SAMD4A: variants seen among roughly 807,000 people sequenced by gnomAD.
SAMD4A encodes sterile alpha motif domain containing 4A.
A neutral mutation model predicts 81.3 loss-of-function variants in SAMD4A; 33 were observed. The ratio of observed to expected loss-of-function variants is 0.41; its 90% CI spans 0.31 to 0.54. The LOEUF (loss-of-function observed/expected upper bound fraction) is 0.54, where lower values mean the gene tolerates loss of function less well. SAMD4A is among the 20% of genes least tolerant of loss of function. The pLI, the probability that SAMD4A is intolerant of heterozygous loss-of-function variation, is 0.37. For missense variants in SAMD4A, 854 were observed against 951.1 expected (o/e 0.90, Z 1.34); for synonymous variants, 389 against 382.1 (o/e 1.02, Z -0.21).
At chr14:54,571,905 T>C (rs1390663610) in intron 2 of SAMD4A, among the ~76,000 whole-genome samples, 1 of 152,208 alleles carries the variant, frequency 6.6e-6, no homozygotes, top group East Asian at 1.9e-4. Context: ...TCCATGATTT[T>C]TATGGTTTTG....
Position 54,739,059 on chromosome 14 carries a change from T to C in SAMD4A, c.979+1772T>C, listed in dbSNP as rs1176120310. Among the ~76,000 whole-genome samples, 27 of 143,668 alleles carry C rather than the reference T, an allele frequency of 1.9e-4. 1 individual carries two copies. Among genetic ancestry groups the C allele is most frequent in the Non-Finnish European group, 2.9e-4 (19 of 65,772 alleles). The allele number at this position is 143,668 out of a possible 152,430, so 94.3% of individuals were successfully genotyped here. ...TTGTTTTCTTTCTTTCCTTTTCTTT[T>C]TTTTTTTTTTTTTTTGAGGCCCTTA... On this transcript the variant is annotated intron_variant, in intron 4 of 12. Transcript: ENST00000554335.
chr14:54,771,608 GCAAGGTCTGCTTC>G (rs2038707066), intron 9 of SAMD4A, among the ~76,000 whole-genome samples: 1 of 152,206 alleles, frequency 6.6e-6, no homozygotes, highest in Non-Finnish European at 1.5e-5. Flanking sequence ...CAGATGAAAG[GCAAGGTCTGCTTC>G]CTTGGCCTCC....
chr14:54,614,241 G>A (rs1379186181), intron 2 of SAMD4A, among the ~76,000 whole-genome samples: 1 of 152,118 alleles, frequency 6.6e-6, no homozygotes, highest in African/African-American at 2.4e-5. Context: ...CATAAAACAT[G>A]TAATTTATGT....
intron 10 of SAMD4A, among the ~76,000 whole-genome samples, 176 bp downstream of exon 10, chr14:54,775,311 C>A: frequency 6.6e-6 from 1 of 152,200 alleles, no homozygotes; most frequent in Non-Finnish European, 1.5e-5. Flanking sequence ...GCAGACAGAG[C>A]AACCCCATAG....
chr14:54,729,205 A>G (rs529183760), intron 3 of SAMD4A, among the ~76,000 whole-genome samples: 2 of 152,060 alleles, frequency 1.3e-5, no homozygotes, highest in East Asian at 1.9e-4. Context: ...CCAAACTTGG[A>G]TGGTCTTGCT....
At chr14:54,679,246 A>G (rs1352845607) in intron 2 of SAMD4A, among the ~76,000 whole-genome samples, 1 of 152,234 alleles carries the variant, frequency 6.6e-6, no homozygotes, top group East Asian at 1.9e-4. Flanking sequence ...GCTGCTAGAA[A>G]GCAGACATTT....
intron 12 of SAMD4A, among the ~76,000 whole-genome samples, chr14:54,785,936 T>TGCGA (rs1352846681): frequency 6.6e-6 from 1 of 152,222 alleles, no homozygotes; most frequent in Non-Finnish European, 1.5e-5. Flanking sequence ...GAGCCTCATT[T>TGCGA]GCGAGCCACT....
At chr14:54,588,278 G>A (rs1435199611) in intron 2 of SAMD4A, among the ~76,000 whole-genome samples, 1 of 151,304 alleles carries the variant, frequency 6.6e-6, no homozygotes, top group African/African-American at 2.4e-5. Context: ...CTCTCTTCTT[G>A]GTTAATCTCG....
intron 2 of SAMD4A, chr14:54,688,211 C>T: frequency 1.0e-6 from 1 of 985,464 alleles, no homozygotes; most frequent in Non-Finnish European, 1.2e-6. Flanking sequence ...GAATTTTGCT[C>T]CTGTTACTGC....
intron 2 of SAMD4A, among the ~76,000 whole-genome samples, chr14:54,587,715 C>A (rs1301162797): frequency 6.6e-6 from 1 of 152,130 alleles, no homozygotes; most frequent in Non-Finnish European, 1.5e-5. Context: ...GTTAAATCAT[C>A]CCTGCATCCC....
At chr14:54,786,314 T>G (rs2039139406) in intron 12 of SAMD4A, among the ~76,000 whole-genome samples, 1 of 152,160 alleles carries the variant, frequency 6.6e-6, no homozygotes, top group African/African-American at 2.4e-5. Flanking sequence ...AGAAAGTAGA[T>G]GAGTGGTTGC....
At chr14:54,726,557 G>A (rs1189001400) in intron 3 of SAMD4A, among the ~76,000 whole-genome samples, 1 of 152,182 alleles carries the variant, frequency 6.6e-6, no homozygotes, top group Admixed American at 6.5e-5. Flanking sequence ...ACCAGCAGAA[G>A]CAACAGCCAA....
intron 2 of SAMD4A, among the ~76,000 whole-genome samples, chr14:54,599,432 C>A (rs2140216485): frequency 6.6e-6 from 1 of 152,206 alleles, no homozygotes; most frequent in Non-Finnish European, 1.5e-5. Flanking sequence ...AGGTAGGATA[C>A]CCGAGGTCCA....
At chr14:54,688,356 A>G (rs2036334578) in intron 2 of SAMD4A, 1 of 984,748 alleles carries the variant, frequency 1.0e-6, no homozygotes, top group Admixed American at 6.2e-5. Flanking sequence ...ACTCATCTCA[A>G]CTCTCCTCCT....
chr14:54,688,366 T>C, intron 2 of SAMD4A: 2 of 985,518 alleles, frequency 2.0e-6, no homozygotes, highest in Non-Finnish European at 2.4e-6. Context: ...ACTCTCCTCC[T>C]TGGAGCAGCA....
At chr14:54,624,616 T>G (rs2140313298) in intron 2 of SAMD4A, among the ~76,000 whole-genome samples, 1 of 152,346 alleles carries the variant, frequency 6.6e-6, no homozygotes, top group South Asian at 2.1e-4. Flanking sequence ...CTGTCTCCTC[T>G]CTGAGTTGCT....
intron 2 of SAMD4A, among the ~76,000 whole-genome samples, chr14:54,608,481 C>T (rs1221537545): frequency 6.6e-6 from 1 of 152,142 alleles, no homozygotes; most frequent in East Asian, 1.9e-4. Context: ...GGAAATGGGG[C>T]ATAAATAACA....
At chr14:54,679,285 C>T (rs1319556269) in intron 2 of SAMD4A, among the ~76,000 whole-genome samples, 1 of 152,206 alleles carries the variant, frequency 6.6e-6, no homozygotes, top group Non-Finnish European at 1.5e-5. Flanking sequence ...TGAGCAGTAT[C>T]CCTTATCACT....
intron 2 of SAMD4A, among the ~76,000 whole-genome samples, chr14:54,678,694 G>T (rs1055676360): frequency 5.3e-5 from 8 of 151,944 alleles, no homozygotes; most frequent in African/African-American, 1.7e-4. Flanking sequence ...GACTACAGGC[G>T]CCCGCCATCG....
Sources: gnomAD v4.1 joint callset for allele counts (sites outside exome capture counted in the v4.1 genomes callset) on GRCh38, gnomAD v4.1.1 for gene constraint, MANE v1.5 for transcripts, NCBI Gene and HGNC (gene_info 2026-07-23, HGNC 2026-07-21) for gene names.